Variants in TTLL7 observed in about 807,000 individuals in gnomAD.
The protein encoded by TTLL7 is tubulin tyrosine ligase like 7, also known as tubulin polyglutamylase TTLL7.
In TTLL7, 53 loss-of-function variants were observed where a neutral mutation model predicts 120.2. That is an observed-to-expected ratio of 0.44 (90% confidence interval 0.35 to 0.55). The LOEUF (loss-of-function observed/expected upper bound fraction) is 0.55, where lower values mean the gene tolerates loss of function less well. TTLL7 is among the 20% of genes least tolerant of loss of function. TTLL7 has a pLI of 0.00. For synonymous variants in TTLL7, 353 were observed against 351.7 expected, an observed-to-expected ratio of 1.00 and a Z score of -0.04; for missense variants, 803 against 1,054.7, an observed-to-expected ratio of 0.76 and a Z score of 3.31.
At chr1:83,929,942 TCA>T (rs1474220490) in intron 9 of TTLL7, among the ~76,000 whole-genome samples, 2 of 152,122 alleles carry the variant, frequency 1.3e-5, no homozygotes, top group Non-Finnish European at 2.9e-5. Context: ...ATGCTACTAG[TCA>T]CAGTTATACA....
chr1:83,923,485 T>C lies in TTLL7; in HGVS notation c.1143-2091A>G, dbSNP rs560312948. ...AAATAAACACAGATCTATATGAATA[T>C]CTACAGCAAACAAAACACTCATAGA... is the stretch of plus-strand genomic sequence containing the variant. On this transcript the variant is annotated intron_variant, in intron 10 of 20. Transcript: ENST00000260505. Among the ~76,000 whole-genome samples, 35 of 152,072 alleles carry C rather than the reference T, an allele frequency of 2.3e-4. 1 individual carries two copies. Among genetic ancestry groups the C allele is most frequent in the Non-Finnish European group, 4.4e-4 (30 of 67,966 alleles).
At chr1:83,916,212 T>C (rs944535085) in intron 14 of TTLL7, among the ~76,000 whole-genome samples, 1 of 152,168 alleles carries the variant, frequency 6.6e-6, no homozygotes, top group Non-Finnish European at 1.5e-5. Context: ...TGCAGCACTA[T>C]TCACAATAGC....
intron 10 of TTLL7, among the ~76,000 whole-genome samples, chr1:83,921,621 G>C (rs961105315): frequency 6.6e-6 from 1 of 152,152 alleles, no homozygotes; most frequent in African/African-American, 2.4e-5. Flanking sequence ...AATGGAAATA[G>C]TGCATGTTTT....
chr1:83,940,674 T>C (rs1224267350), intron 7 of TTLL7, among the ~76,000 whole-genome samples: 1 of 152,140 alleles, frequency 6.6e-6, no homozygotes, highest in Non-Finnish European at 1.5e-5. Flanking sequence ...AAATCCATGC[T>C]CTTATTCTTG....
intron 20 of TTLL7, among the ~76,000 whole-genome samples, chr1:83,875,218 C>T (rs971501135): frequency 1.3e-5 from 2 of 151,856 alleles, no homozygotes; most frequent in African/African-American, 4.8e-5. Flanking sequence ...TTGTTTACTA[C>T]CCAATTATAC....
At chr1:83,921,468 C>A in intron 10 of TTLL7, 74 bp from the exon 11 acceptor site, 2 of 1,519,646 alleles carry the variant, frequency 1.3e-6, no homozygotes, top group South Asian at 1.2e-5. Flanking sequence ...GGAGAATTTG[C>A]AGAACAGGAG....
At chr1:83,958,519 A>G (rs1329212880) in intron 1 of TTLL7, among the ~76,000 whole-genome samples, 1 of 152,228 alleles carries the variant, frequency 6.6e-6, no homozygotes, top group Non-Finnish European at 1.5e-5. Context: ...TAAAAATTAT[A>G]AAAATAAGGC....
intron 19 of TTLL7, among the ~76,000 whole-genome samples, chr1:83,889,124 G>C (rs1304245504): frequency 6.6e-6 from 1 of 152,098 alleles, no homozygotes; most frequent in Non-Finnish European, 1.5e-5. Context: ...GAAGCCTCAA[G>C]AAACTTACAA....
chr1:83,942,550 C>T lies in TTLL7; in HGVS notation c.636G>A (p.Ser212=), dbSNP rs764286113. The T allele has an allele frequency of 9.9e-6, 16 of 1,613,954 alleles. No individual in the cohort carries two copies. The highest frequency in any genetic ancestry group is 3.3e-5 in the Admixed American group (2 of 60,014). Residue 212 remains serine (S), a synonymous_variant, in exon 7 of 21, where the codon TCG becomes TCA. Coordinates refer to ENST00000260505, the MANE Select transcript of TTLL7 (RefSeq NM_024686.6). ...AGAGAAATATTTTTAGTGGATCACA[C>T]GATGTAACCAGAATATAAATTCGTA... ...FDLRIYILVT[S]CDPLKIFLYH... is the part of the protein sequence containing the mutation.
At chr1:83,919,620 C>T (rs1299540670) in intron 13 of TTLL7, 79 bp downstream of exon 13, 8 of 1,293,216 alleles carry the variant, frequency 6.2e-6, no homozygotes, top group Admixed American at 3.0e-5. Context: ...TTTTATATGT[C>T]GGACCAAGGT....
At position 83,933,753 on chromosome 1, in the gene TTLL7, T is replaced by C. The variant is rs1659792424; in HGVS notation, c.902A>G (p.Lys301Arg). 1 of 1,609,348 alleles carries C rather than the reference T, an allele frequency of 6.2e-7. No individual in the cohort carries two copies. Among genetic ancestry groups the C allele is most frequent in the African/African-American group, 1.3e-5 (1 of 74,582 alleles). Reference sequence around the variant, plus strand: ...ATGAGGTTCTGCTACAATCAGGGTCTTTACCACCAATTCCTATAAGATTGT... The same window carrying C: ...ATGAGGTTCTGCTACAATCAGGGTCCTTACCACCAATTCCTATAAGATTGT... ...FWSDISELVVKTLIVAEPHVL... is the reference protein window; with the variant it reads ...FWSDISELVVRTLIVAEPHVL... The change falls in exon 9 of 21, where the codon AAG (lysine) becomes AGG (arginine). Residue 301 changes from lysine (K) to arginine (R), a missense_variant. Lys to Arg is a conservative substitution (Grantham distance 26, BLOSUM62 2). Transcript: ENST00000260505.
chr1:83,989,161 C>T (rs181975494), intron 1 of TTLL7, among the ~76,000 whole-genome samples: 12 of 152,196 alleles, frequency 7.9e-5, no homozygotes, highest in Admixed American at 1.3e-4. Flanking sequence ...TTTATTTTGC[C>T]GTACAGAAGC....
At chr1:83,978,579 T>A (rs2100594138) in intron 1 of TTLL7, among the ~76,000 whole-genome samples, 1 of 152,322 alleles carries the variant, frequency 6.6e-6, no homozygotes, top group Admixed American at 6.5e-5. Context: ...AAGGATGATT[T>A]AAAATAGGTG....
chr1:83,989,823 C>T (rs1351417304), intron 1 of TTLL7, among the ~76,000 whole-genome samples: 1 of 151,966 alleles, frequency 6.6e-6, no homozygotes, highest in Non-Finnish European at 1.5e-5. Flanking sequence ...ATGTTTTTTT[C>T]GTACTCTCTG....
chr1:83,910,035 A>C (rs1185352904), intron 15 of TTLL7, among the ~76,000 whole-genome samples: 1 of 152,180 alleles, frequency 6.6e-6, no homozygotes, highest in Non-Finnish European at 1.5e-5. Context: ...AAGTAAATAA[A>C]TAAATAAATG....
intron 18 of TTLL7, among the ~76,000 whole-genome samples, chr1:83,894,592 T>C (rs115622263): frequency 0.017 from 2,526 of 152,238 alleles, 27 homozygotes; most frequent in Non-Finnish European, 0.026. Flanking sequence ...TACCATATTC[T>C]AGCCCATACA....
At chr1:83,903,792 G>A (rs773287126) in intron 18 of TTLL7, among the ~76,000 whole-genome samples, 5 of 151,954 alleles carry the variant, frequency 3.3e-5, no homozygotes, top group African/African-American at 4.8e-5. Context: ...GAAACCCACA[G>A]ACATAGAAGG....
intron 10 of TTLL7, among the ~76,000 whole-genome samples, chr1:83,926,144 A>T (rs181539804): frequency 7.9e-5 from 12 of 151,574 alleles, no homozygotes; most frequent in African/African-American, 2.7e-4. Context: ...GTAAATACAT[A>T]TGAGTGATTA....
chr1:83,889,808 A>C (rs1655291931), intron 19 of TTLL7: 1 of 416,958 alleles, frequency 2.4e-6, no homozygotes, highest in Non-Finnish European at 4.8e-6. Flanking sequence ...AAATGACTGA[A>C]TAAAGACAGT....
Sources: allele counts gnomAD v4.1 joint callset (sites outside exome capture counted in the v4.1 genomes callset), GRCh38; gene constraint gnomAD v4.1.1; transcripts MANE v1.5; gene names NCBI Gene and HGNC (gene_info 2026-07-23, HGNC 2026-07-21).